Variants in NFIL3 observed in about 807,000 individuals in gnomAD.
NFIL3 encodes the protein nuclear factor, interleukin 3 regulated.
Under a neutral mutation model 10.0 loss-of-function variants are expected in NFIL3, and 5 were observed. The ratio of observed to expected loss-of-function variants is 0.50; its 90% confidence interval spans 0.26 to 1.06. The LOEUF (loss-of-function observed/expected upper bound fraction) is 1.06, where lower values mean the gene tolerates loss of function less well. Among genes scored for constraint, NFIL3 ranks in the 50% least tolerant of loss-of-function variants. The probability of loss-of-function intolerance (pLI) is 0.13; values close to 1 mark genes in which losing one functional copy is unlikely to be tolerated. For synonymous variants in NFIL3, 202 were observed against 206.5 expected, an observed-to-expected ratio of 0.98 and a Z score of 0.19; for missense variants, 436 against 547.6, an observed-to-expected ratio of 0.80 and a Z score of 2.03.
chr9:91,466,040 G>C, the NFIL3 span, among the ~76,000 whole-genome samples: 5 of 151,814 alleles, frequency 3.3e-5, no homozygotes, highest in African/African-American at 1.2e-4. Flanking sequence ...GTGTGTGTAA[G>C]CATTCTAAAG....
chr9:91,421,557 C>T (rs1338097584), intron 1 of NFIL3, among the ~76,000 whole-genome samples: 1 of 152,170 alleles, frequency 6.6e-6, no homozygotes, highest in Non-Finnish European at 1.5e-5. Flanking sequence ...ACCAGACCCG[C>T]CCCCAGCCCC....
chr9:91,452,261 T>TTA, the NFIL3 span, among the ~76,000 whole-genome samples: 3 of 152,196 alleles, frequency 2.0e-5, no homozygotes, highest in African/African-American at 7.2e-5. Context: ...TAATAAAACT[T>TTA]TAGTCTCCAC....
intron 1 of NFIL3, among the ~76,000 whole-genome samples, chr9:91,411,215 C>T (rs1050543810): frequency 1.3e-5 from 2 of 151,994 alleles, no homozygotes; most frequent in African/African-American, 2.4e-5. Context: ...TTTAATGAGG[C>T]GAAATGGAGA....
the NFIL3 span, among the ~76,000 whole-genome samples, chr9:91,457,813 T>A: frequency 6.6e-6 from 1 of 152,134 alleles, no homozygotes; most frequent in Non-Finnish European, 1.5e-5. Flanking sequence ...AGGTTTATTG[T>A]AGGTACTCTT....
Position 91,409,261 on chromosome 9 carries a change from C to T in NFIL3, c.*85G>A. ...TCACAGTGAAATGACATCACAGGTC[C>T]AGTGAAAATTCAGCATAATACAAAA... On this transcript the variant is annotated 3_prime_UTR_variant, in exon 2 of 2. Transcript: ENST00000297689. The T allele has an allele frequency of 7.9e-7, 1 of 1,261,188 alleles. No homozygotes were observed. The highest frequency in any genetic ancestry group is 2.3e-5 in the East Asian group (1 of 42,574). The allele number at this position is 1,261,188 out of a possible 1,614,324, so 78.1% of individuals were successfully genotyped here.
At chr9:91,465,242 TA>T in the NFIL3 span, among the ~76,000 whole-genome samples, 9 of 152,162 alleles carry the variant, frequency 5.9e-5, no homozygotes, top group Non-Finnish European at 1.2e-4. Context: ...CCCATTTTGA[TA>T]TTGTCCCAAA....
In NFIL3 at chr9:91,409,144, C is replaced by T. The variant is rs1833486517; in HGVS notation, c.*202G>A. 20 of 534,312 alleles carry T rather than the reference C, an allele frequency of 3.7e-5. No homozygotes were observed. Among genetic ancestry groups the T allele is most frequent in the Non-Finnish European group, 5.8e-5 (18 of 309,168 alleles). 33.1% of individuals were successfully genotyped at this position (534,312 alleles called of 1,614,324 possible). On this transcript the variant is annotated 3_prime_UTR_variant, in exon 2 of 2. Transcript: ENST00000297689. ...TCAATATATACAGCCTTCGCATGGACTATCTGACTATACACAGGCAGAGTG... is the reference window on the plus strand; with the variant it reads ...TCAATATATACAGCCTTCGCATGGATTATCTGACTATACACAGGCAGAGTG...
At chr9:91,417,766 A>G (rs1403288088) in intron 1 of NFIL3, among the ~76,000 whole-genome samples, 1 of 152,162 alleles carries the variant, frequency 6.6e-6, no homozygotes, top group Non-Finnish European at 1.5e-5. Flanking sequence ...CCAAAGTTAG[A>G]GAGAAATGTG....
the NFIL3 span, among the ~76,000 whole-genome samples, chr9:91,481,326 C>T: frequency 1.1e-4 from 16 of 152,128 alleles, no homozygotes; most frequent in East Asian, 1.4e-3. Context: ...TTATTCATAT[C>T]CCAAGTATTT....
chr9:91,461,019 T>C, the NFIL3 span, among the ~76,000 whole-genome samples: 30 of 152,228 alleles, frequency 2.0e-4, no homozygotes, highest in Admixed American at 1.4e-3. Context: ...GTCATTTTCA[T>C]TGGGAACATC....
Position 91,410,170 on chromosome 9 carries a change from C to G in NFIL3, c.565G>C (p.Asp189His). 1.2e-6 allele frequency: 2 copies of G among 1,614,132 alleles called. No homozygotes were observed. The highest frequency in any genetic ancestry group is 1.7e-6 in the Non-Finnish European group (2 of 1,180,012). Residue 189 changes from aspartate to histidine, a missense_variant, in exon 2 of 2, where the codon GAT becomes CAT. Transcript: ENST00000297689. This position sits in a 1 kb window ranked among gnomAD's most constrained non-coding sequence, Gnocchi z 5.7. The part of the protein sequence containing the change: ...IKHSPQSSLS[D>H]VSEVSSVEHT... ...TCTACTGAGGACACTTCTGAAACAT[C>G]GGACAGCGAGCTTTGTGGAGAGTGT... is the stretch of plus-strand genomic sequence containing the variant.
the NFIL3 span, among the ~76,000 whole-genome samples, chr9:91,443,483 C>T: frequency 6.6e-6 from 1 of 152,260 alleles, no homozygotes; most frequent in Non-Finnish European, 1.5e-5. Flanking sequence ...GCCGTCAGCA[C>T]CTCCTTGGCC....
chr9:91,425,819 T>C (rs879773912), upstream of NFIL3, among the ~76,000 whole-genome samples: 2 of 152,200 alleles, frequency 1.3e-5, no homozygotes, highest in Non-Finnish European at 2.9e-5. Flanking sequence ...TGCCCAAACC[T>C]TACAATGCTT....
rs1208881478 is a variant in NFIL3, at chr9:91,410,599, G to T, written c.136C>A (p.Leu46Ile). ...SEDSTTGEEL[L>I]LSEGSVGKNK... ...TTCCCCACACTTCCTTCACTGAGAA[G>T]CAGCTCCTCACCTGTTGTGGAGTCT... The change falls in exon 2 of 2, where the codon CTT becomes ATT. Residue 46 changes from leucine (L) to isoleucine (I), a missense_variant. This residue lies in a region of NFIL3 where 76 missense variants were observed against 73.0 expected (regional missense o/e 1.04). Coordinates refer to ENST00000297689, the MANE Select transcript of NFIL3 (RefSeq NM_005384.3). The surrounding 1 kb of genome is among the most constrained non-coding windows in gnomAD (Gnocchi z 5.7). 2 of 1,614,212 alleles carry T rather than the reference G, an allele frequency of 1.2e-6. No homozygotes were observed. The highest frequency in any genetic ancestry group is 2.2e-5 in the South Asian group (2 of 91,086).
the NFIL3 span, among the ~76,000 whole-genome samples, chr9:91,468,476 A>T: frequency 2.0e-5 from 3 of 152,022 alleles, no homozygotes; most frequent in African/African-American, 7.3e-5. Flanking sequence ...ATTTTCTCCC[A>T]TTCTGTAGGT....
At chr9:91,425,399 G>T (rs1833860167), upstream of NFIL3, among the ~76,000 whole-genome samples, 2 of 152,070 alleles carry the variant, frequency 1.3e-5, no homozygotes, top group Non-Finnish European at 2.9e-5. Flanking sequence ...TGAGTTTTTG[G>T]AAAGCCTTCC....
chr9:91,461,749 T>A, the NFIL3 span, among the ~76,000 whole-genome samples: 1 of 152,186 alleles, frequency 6.6e-6, no homozygotes, highest in Non-Finnish European at 1.5e-5. Context: ...GACACTTGCA[T>A]TGGATTTAGG....
At chr9:91,463,710 C>T in the NFIL3 span, among the ~76,000 whole-genome samples, 1 of 152,102 alleles carries the variant, frequency 6.6e-6, no homozygotes, top group South Asian at 2.1e-4. Flanking sequence ...TTGTCTATAT[C>T]CTTTCTGATT....
At chr9:91,431,723 T>G in the NFIL3 span, among the ~76,000 whole-genome samples, 3 of 152,342 alleles carry the variant, frequency 2.0e-5, no homozygotes, top group East Asian at 5.8e-4. Context: ...GAGTTCCTTT[T>G]GCTTCTGTTC....
Sources: allele counts gnomAD v4.1 joint callset (sites outside exome capture counted in the v4.1 genomes callset), GRCh38; gene constraint gnomAD v4.1.1; regional missense constraint gnomAD v4.1.1; non-coding constraint Gnocchi (gnomAD v3.1); transcripts MANE v1.5; gene names NCBI Gene and HGNC (gene_info 2026-07-23, HGNC 2026-07-21).